ZFR: variants seen among roughly 807,000 people sequenced by gnomAD.
The protein encoded by ZFR is zinc finger RNA binding protein.
ZFR carries 19 observed loss-of-function variants against 130.7 expected under a neutral mutation model. The observed-to-expected ratio is 0.15, with a 90% CI of 0.10 to 0.21. The LOEUF is 0.21. Among genes scored for constraint, ZFR ranks in the 10% least tolerant of loss-of-function variants. ZFR has a pLI of 1.00. For missense variants in ZFR, 872 were observed against 1,321.5 expected, an observed-to-expected ratio of 0.66 and a Z score of 5.27; for synonymous variants, 466 against 456.9, an observed-to-expected ratio of 1.02 and a Z score of -0.25.
At chr5:32,430,698 G>C (rs964891621) in intron 2 of ZFR, among the ~76,000 whole-genome samples, 8 of 152,080 alleles carry the variant, frequency 5.3e-5, no homozygotes, top group East Asian at 1.9e-4. Context: ...AGCAGCCAGA[G>C]GGAAAAAACT....
chr5:32,383,803 T>C (rs1752982559), intron 15 of ZFR: 3 of 456,698 alleles, frequency 6.6e-6, no homozygotes, highest in Non-Finnish European at 1.3e-5. Context: ...ATAATGAAGC[T>C]AAAGACATGG....
Position 32,397,167 on chromosome 5 carries a change from TTTTG to T in ZFR, c.1833+48_1833+51del, listed in dbSNP as rs759653643. On this transcript the variant is annotated intron_variant, in intron 10 of 19. Coordinates refer to ENST00000265069, the MANE Select transcript of ZFR (RefSeq NM_016107.5). ...TTTACATAAAGAATGCTCTGGGTGTTTTTGTTTTTGTTTTTTGTTTTAAAGAAGG... is the reference window on the plus strand; with the variant it reads ...TTTACATAAAGAATGCTCTGGGTGTTTTTTTGTTTTTTGTTTTAAAGAAGG... The T allele has an allele frequency of 1.1e-4, 170 of 1,549,986 alleles. 1 individual carries two copies. The Middle Eastern group carries it at 2.1e-3, about 19-fold the overall frequency.
intron 2 of ZFR, among the ~76,000 whole-genome samples, chr5:32,429,720 ATTC>A (rs1448640149): frequency 6.6e-6 from 1 of 152,158 alleles, no homozygotes; most frequent in Non-Finnish European, 1.5e-5. Flanking sequence ...CAAAACACAT[ATTC>A]TTCTGTAAAT....
chr5:32,391,890 C>T (rs186149112), intron 11 of ZFR, among the ~76,000 whole-genome samples: 2 of 152,002 alleles, frequency 1.3e-5, no homozygotes, highest in East Asian at 1.9e-4. Context: ...TGCACCACCA[C>T]GCCCAGCTAA....
At chr5:32,386,641 T>C (rs1753052380) in intron 14 of ZFR, among the ~76,000 whole-genome samples, 1 of 151,680 alleles carries the variant, frequency 6.6e-6, no homozygotes, top group Non-Finnish European at 1.5e-5. Flanking sequence ...CTCCCGATAA[T>C]TAAAAAAAAA....
rs952406578 is a variant in ZFR, at chr5:32,415,171, G to A, written c.582C>T (p.Tyr194=). ...TYYQTAPKAG[Y]SQGATQYTQA... ...GAGTATACTGAGTTGCACCTTGGCT[G>A]TAACCTGCTTTGGGGGCTGAAGTAG... The change falls in exon 5 of 20, where the codon TAC becomes TAT. Residue 194 remains tyrosine (Y), a synonymous_variant. Transcript: ENST00000265069. The A allele has an allele frequency of 1.2e-6, 2 of 1,613,954 alleles. No homozygotes were observed. The highest frequency in any genetic ancestry group is 1.1e-5 in the South Asian group (1 of 91,048).
Position 32,355,459 on chromosome 5 carries a change from G to A in ZFR, c.*301C>T, listed in dbSNP as rs1752283080. 4.9e-6 allele frequency: 1 copy of A among 202,264 alleles called. No individual in the cohort carries two copies. Among genetic ancestry groups the A allele is most frequent in the East Asian group, 1.3e-4 (1 of 7,846 alleles). The allele number at this position is 202,264 out of a possible 1,614,324, so 12.5% of individuals were successfully genotyped here. On this transcript the variant is annotated 3_prime_UTR_variant, in exon 20 of 20. Coordinates refer to ENST00000265069, the MANE Select transcript of ZFR (RefSeq NM_016107.5). ...GAAGATTTAATAAGACAATGCACTA[G>A]TTAATAAAAGACACAAAAATAGGGG...
intron 17 of ZFR, among the ~76,000 whole-genome samples, chr5:32,368,474 A>T (rs545062880): frequency 1.3e-5 from 2 of 152,302 alleles, no homozygotes; most frequent in South Asian, 2.1e-4. Flanking sequence ...GACCTCAGGT[A>T]ATCTGCCCAT....
chr5:32,431,728 A>T (rs1257846914), intron 2 of ZFR, among the ~76,000 whole-genome samples: 1 of 151,924 alleles, frequency 6.6e-6, no homozygotes, highest in East Asian at 1.9e-4. Context: ...TATCTACGAA[A>T]CTACTGACAT....
chr5:32,377,288 AG>A (rs1412383829), intron 17 of ZFR, among the ~76,000 whole-genome samples: 1 of 148,748 alleles, frequency 6.7e-6, no homozygotes, highest in East Asian at 2.0e-4. Flanking sequence ...GCTGGAGTGC[AG>A]TGGCGTGATC....
intron 5 of ZFR, among the ~76,000 whole-genome samples, chr5:32,413,949 A>C (rs550582940): frequency 6.6e-6 from 1 of 152,154 alleles, no homozygotes; most frequent in African/African-American, 2.4e-5. Flanking sequence ...CACTCCAGCC[A>C]GAGTTCTCAG....
At chr5:32,399,783 A>C (rs1231026876) in intron 9 of ZFR, among the ~76,000 whole-genome samples, 1 of 152,230 alleles carries the variant, frequency 6.6e-6, no homozygotes, top group East Asian at 1.9e-4. Flanking sequence ...GTGGCAATAC[A>C]CAGGGAAAAT....
rs1753416964 is a variant in ZFR, at chr5:32,400,181, T to C, written c.1539A>G (p.Thr513=). 1 of 1,608,090 alleles carries C rather than the reference T, an allele frequency of 6.2e-7. No homozygotes were observed. The highest frequency in any genetic ancestry group is 8.5e-7 in the Non-Finnish European group (1 of 1,176,942). The part of the protein sequence containing the change: ...NFVGGNKLQS[T]GNKAEDIKGT... ...CTTTTATGTCTTCTGCTTTATTTCC[T>C]GTTGACTGCAGCTTATTACCACCTA... Residue 513 remains threonine (T), a synonymous_variant, in exon 9 of 20, where the codon ACA becomes ACG. Transcript: ENST00000265069.
chr5:32,419,540 G>A (rs1447469442), intron 3 of ZFR, among the ~76,000 whole-genome samples: 2 of 152,146 alleles, frequency 1.3e-5, no homozygotes, highest in African/African-American at 4.8e-5. Flanking sequence ...GTTTCGCCAT[G>A]TTGGACACGC....
intron 19 of ZFR, among the ~76,000 whole-genome samples, chr5:32,361,755 A>G (rs1264482094): frequency 6.6e-6 from 1 of 151,416 alleles, no homozygotes; most frequent in Non-Finnish European, 1.5e-5. Context: ...AGTAGCCTGG[A>G]CTACAGGCAC....
chr5:32,376,527 T>C (rs565797304), intron 17 of ZFR, among the ~76,000 whole-genome samples: 2 of 151,430 alleles, frequency 1.3e-5, no homozygotes, highest in East Asian at 3.9e-4. Context: ...ATGCCTGTAG[T>C]GTGTAGTGAG....
chr5:32,426,398 A>G (rs2111839310), intron 2 of ZFR, among the ~76,000 whole-genome samples: 1 of 152,228 alleles, frequency 6.6e-6, no homozygotes, highest in African/African-American at 2.4e-5. Flanking sequence ...AAAAAAAGAA[A>G]AAAAAAAACC....
At chr5:32,432,160 T>C (rs911977325) in intron 2 of ZFR, among the ~76,000 whole-genome samples, 1 of 151,956 alleles carries the variant, frequency 6.6e-6, no homozygotes, top group Non-Finnish European at 1.5e-5. Context: ...CCCGGGTAAT[T>C]GTTCGCAGAG....
Position 32,400,179 on chromosome 5 carries a change from C to T in ZFR, c.1541G>A (p.Gly514Glu), listed in dbSNP as rs745821134. ...TCCTTTTATGTCTTCTGCTTTATTT[C>T]CTGTTGACTGCAGCTTATTACCACC... ...FVGGNKLQST[G>E]NKAEDIKGTE... Residue 514 changes from glycine (G) to glutamate (E), a missense_variant, in exon 9 of 20, where the codon GGA (glycine) becomes GAA (glutamate). Physicochemically the swap from Gly to Glu is moderately conservative, Grantham distance 98. This residue lies in a region of ZFR where 143 missense variants were observed against 137.9 expected (regional missense o/e 1.04). Transcript: ENST00000265069. 1 of 1,607,882 alleles carries T rather than the reference C, an allele frequency of 6.2e-7. No individual in the cohort carries two copies. The highest frequency in any genetic ancestry group is 8.5e-7 in the Non-Finnish European group (1 of 1,176,782).
Sources: gnomAD v4.1 joint callset for allele counts (sites outside exome capture counted in the v4.1 genomes callset) on GRCh38, gnomAD v4.1.1 for gene constraint, gnomAD v4.1.1 regional missense constraint, MANE v1.5 for transcripts, NCBI Gene and HGNC (gene_info 2026-07-23, HGNC 2026-07-21) for gene names.